RPS6KB2: variants seen among roughly 807,000 people sequenced by gnomAD.
The protein encoded by RPS6KB2 is ribosomal protein S6 kinase beta-2.
RPS6KB2 carries 51 observed loss-of-function variants against 58.2 expected under a neutral mutation model. The ratio of observed to expected loss-of-function variants is 0.88; its 90% CI spans 0.70 to 1.11. RPS6KB2 has a LOEUF of 1.11. Among genes scored for constraint, RPS6KB2 ranks in the 50% least tolerant of loss-of-function variants. RPS6KB2 has a pLI of 0.00. For synonymous variants in RPS6KB2, 293 were observed against 258.6 expected, an observed-to-expected ratio of 1.13 and a Z score of -1.28; for missense variants, 671 against 655.8, an observed-to-expected ratio of 1.02 and a Z score of -0.25.
Position 67,428,718 on chromosome 11 carries a change from C to G in RPS6KB2, c.78+95C>G, listed in dbSNP as rs1863922937. The G allele has an allele frequency of 2.4e-6, 3 of 1,225,490 alleles. No individual in the cohort carries two copies. The African/African-American group carries it at 4.6e-5, about 19-fold the overall frequency. The allele number at this position is 1,225,490 out of a possible 1,614,324, so 75.9% of individuals were successfully genotyped here. On this transcript the variant is annotated intron_variant, in intron 1 of 14. Transcript: ENST00000312629. ...GGCTCCGCACGCCCAGAGCGGGCTC[C>G]GACTCTTTGCAGACCCAGATCCTTC...
chr11:67,434,631 TCTC>T lies in RPS6KB2; in HGVS notation c.1208_1210del (p.Ser403del), dbSNP rs757063422. ...GTCCTGGACAGCATCAAGGAGGGCT[TCTC>T]CTTCCAGCCCAAGCTGCGCTCACCC... is the stretch of plus-strand genomic sequence containing the variant. On this transcript the variant is annotated inframe_deletion, in exon 14 of 15. Coordinates refer to ENST00000312629, the MANE Select transcript of RPS6KB2 (RefSeq NM_003952.3). The T allele has an allele frequency of 1.2e-5, 19 of 1,610,266 alleles. No individual in the cohort carries two copies. Among genetic ancestry groups the T allele is most frequent in the Non-Finnish European group, 1.5e-5 (18 of 1,179,312 alleles).
At chr11:67,432,269 T>C (rs1590973685) in intron 5 of RPS6KB2, 1 of 575,116 alleles carries the variant, frequency 1.7e-6, no homozygotes, top group Non-Finnish European at 3.3e-6. Context: ...CTGTCTTCTC[T>C]GCGAGATCTT....
intron 10 of RPS6KB2, among the ~76,000 whole-genome samples, chr11:67,433,774 C>A (rs1864135671): frequency 6.6e-6 from 1 of 152,160 alleles, no homozygotes; most frequent in Admixed American, 6.5e-5. Context: ...CACCAACGCG[C>A]CCTGGGGCAA....
At chr11:67,431,797 C>T (rs1864031160) in intron 5 of RPS6KB2, 1 of 402,274 alleles carries the variant, frequency 2.5e-6, no homozygotes, top group African/African-American at 2.0e-5. Flanking sequence ...GAGTCTCTTC[C>T]TACTCCCCTC....
At chr11:67,433,770 C>T (rs554918173) in intron 10 of RPS6KB2, among the ~76,000 whole-genome samples, 33 of 152,348 alleles carry the variant, frequency 2.2e-4, no homozygotes, top group African/African-American at 7.2e-4. Flanking sequence ...GCCTCACCAA[C>T]GCGCCCTGGG....
chr11:67,435,102 CT>C lies in RPS6KB2; in HGVS notation c.1383del (p.Leu462SerfsTer32), dbSNP rs2135131538. ...LPPPPPSTTA[P>X]LPIRPPSGTK... ...CCGCCGCCGCCCTCGACCACCGCCCCTCTCCCCATCCGTCCCCCCTCAGGGA... is the reference window on the plus strand; with the variant it reads ...CCGCCGCCGCCCTCGACCACCGCCCCCTCCCCATCCGTCCCCCCTCAGGGA... On this transcript the variant is annotated frameshift_variant, in exon 15 of 15. Coordinates refer to ENST00000312629, the MANE Select transcript of RPS6KB2 (RefSeq NM_003952.3). LOFTEE classifies it high-confidence loss of function. 2 of 1,608,404 alleles carry C rather than the reference CT, an allele frequency of 1.2e-6. No homozygotes were observed. Among genetic ancestry groups the C allele is most frequent in the Admixed American group, 1.7e-5 (1 of 59,836 alleles).
intron 1 of RPS6KB2, 102 bp downstream of exon 1, chr11:67,428,725 T>G: frequency 2.6e-6 from 3 of 1,139,856 alleles, no homozygotes; most frequent in African/African-American, 3.1e-5. Context: ...CTCCGACTCT[T>G]TGCAGACCCA....
intron 5 of RPS6KB2, chr11:67,431,781 A>T (rs998783077): frequency 2.3e-6 from 1 of 438,700 alleles, no homozygotes; most frequent in Non-Finnish European, 4.2e-6. Context: ...AGTCCAGAGG[A>T]TGGTTGAGTC....
In RPS6KB2 at chr11:67,433,145, C is replaced by A; in HGVS notation, c.727C>A (p.Arg243Ser). 6.2e-7 allele frequency: 1 copy of A among 1,603,654 alleles called. No individual in the cohort carries two copies. Among genetic ancestry groups the A allele is most frequent in the Non-Finnish European group, 8.5e-7 (1 of 1,176,292 alleles). ...IEYMAPEILV[R>S]SGHNRAVDWW... is the part of the protein sequence containing the mutation. Reference sequence around the variant, plus strand: ...CCCCAGGGCCCCTGAGATTCTGGTGCGCAGTGGCCACAACCGGGCTGTGGA... The same window carrying A: ...CCCCAGGGCCCCTGAGATTCTGGTGAGCAGTGGCCACAACCGGGCTGTGGA... The change falls in exon 9 of 15, where the codon CGC (arginine) becomes AGC (serine). Residue 243 changes from arginine (R) to serine (S), a missense_variant. By Grantham distance (110) the Arg-to-Ser change is moderately radical. Coordinates refer to ENST00000312629, the MANE Select transcript of RPS6KB2 (RefSeq NM_003952.3).
intron 4 of RPS6KB2, chr11:67,430,754 A>C (rs1863994027): frequency 6.6e-6 from 1 of 152,118 alleles, no homozygotes; most frequent in Non-Finnish European, 1.5e-5. Flanking sequence ...TTTGATTGTC[A>C]AGGCAAGAGG....
At position 67,434,861 on chromosome 11, in the gene RPS6KB2, G is replaced by A. The variant is rs978364472; in HGVS notation, c.1269-128G>A. 47 of 1,065,394 alleles carry A rather than the reference G, an allele frequency of 4.4e-5. No homozygotes were observed. The African/African-American group carries it at 7.3e-4, about 17-fold the overall frequency. 66.0% of individuals were successfully genotyped at this position (1,065,394 alleles called of 1,614,324 possible). A position where few individuals can be genotyped will look rare whatever the true frequency, so the allele number is the denominator to read the frequency against. ...ACACCCCTTGTGGCCAGGCTGCCTG[G>A]ATGGGAGTTTGTGGAGCCCGCGGCC... On this transcript the variant is annotated intron_variant, in intron 14 of 14. Coordinates refer to ENST00000312629, the MANE Select transcript of RPS6KB2 (RefSeq NM_003952.3).
At position 67,429,037 on chromosome 11, in the gene RPS6KB2, T is replaced by C. The variant is rs1863936631; in HGVS notation, c.119+15T>C. 6.2e-7 allele frequency: 1 copy of C among 1,610,414 alleles called. No homozygotes were observed. The highest frequency in any genetic ancestry group is 1.1e-5 in the South Asian group (1 of 90,962). On this transcript the variant is annotated intron_variant, in intron 2 of 14. Transcript: ENST00000312629. ...GCTGGCCTAGAGTGAGTGAGGGTCGTGTTGGGGGAGGGGGGAATGGAGTGG... is the reference window on the plus strand; with the variant it reads ...GCTGGCCTAGAGTGAGTGAGGGTCGCGTTGGGGGAGGGGGGAATGGAGTGG...
chr11:67,434,056 A>C lies in RPS6KB2; in HGVS notation c.968A>C (p.Gln323Pro). Residue 323 changes from glutamine to proline, a missense_variant and splice_region_variant, in exon 11 of 15, where the codon CAG becomes CCG. Coordinates refer to ENST00000312629, the MANE Select transcript of RPS6KB2 (RefSeq NM_003952.3). ...GGGPGDAADV[Q>P]RHPFFRHMNW... ...GGCCCAGGGGATGCTGCTGATGTGC[A>C]GGTGGGTTTGGGACCACCACCAGGG... 1.2e-6 allele frequency: 2 copies of C among 1,614,086 alleles called. No individual in the cohort carries two copies. Among genetic ancestry groups the C allele is most frequent in the Non-Finnish European group, 1.7e-6 (2 of 1,179,978 alleles).
In RPS6KB2 at chr11:67,433,404, T is replaced by C. The variant is rs1351277109; in HGVS notation, c.863T>C (p.Leu288Pro). The stretch of plus-strand genomic sequence containing the variant: ...AAGATCATCAGGGGCAAGCTGGCAC[T>C]GCCCCCCTACCTCACCCCAGATGCC... Reference protein sequence around the residue: ...MDKIIRGKLALPPYLTPDARD... With the variant: ...MDKIIRGKLAPPPYLTPDARD... The change falls in exon 10 of 15, where the codon CTG (leucine) becomes CCG (proline). Residue 288 changes from leucine (L) to proline (P), a missense_variant. Transcript: ENST00000312629. 1 of 1,613,854 alleles carries C rather than the reference T, an allele frequency of 6.2e-7. No homozygotes were observed. The highest frequency in any genetic ancestry group is 2.2e-5 in the East Asian group (1 of 44,902).
Position 67,431,514 on chromosome 11 carries a change from T to G in RPS6KB2, c.456T>G (p.Ser152Arg), listed in dbSNP as rs761490087. ...GKLYLILECL[S>R]GGELFTHLER... Reference sequence around the variant, plus strand: ...TCTACCTCATCCTTGAGTGCCTCAGTGGTATGAGTGCGGGCCCAGGCAGGG... The same window carrying G: ...TCTACCTCATCCTTGAGTGCCTCAGGGGTATGAGTGCGGGCCCAGGCAGGG... Residue 152 changes from serine to arginine, a missense_variant and splice_region_variant, in exon 5 of 15, where the codon AGT (serine) becomes AGG (arginine). Transcript: ENST00000312629. 6.2e-7 allele frequency: 1 copy of G among 1,611,906 alleles called. No individual in the cohort carries two copies. Among genetic ancestry groups the G allele is most frequent in the Non-Finnish European group, 8.5e-7 (1 of 1,179,500 alleles).
At position 67,435,266 on chromosome 11, in the gene RPS6KB2, C is replaced by T. The variant is rs1348821771; in HGVS notation, c.*97C>T. On this transcript the variant is annotated 3_prime_UTR_variant, in exon 15 of 15. Coordinates refer to ENST00000312629, the MANE Select transcript of RPS6KB2 (RefSeq NM_003952.3). ...CAGTTCCAGAGACCTGGGGGTGTGT[C>T]TGGGGGTGGGGTGTGAGTGCGTATG... The T allele has an allele frequency of 1.8e-6, 2 of 1,138,130 alleles. No homozygotes were observed. The highest frequency in any genetic ancestry group is 2.4e-6 in the Non-Finnish European group (2 of 826,446). The allele number at this position is 1,138,130 out of a possible 1,614,324, so 70.5% of individuals were successfully genotyped here.
chr11:67,431,553 C>CG lies in RPS6KB2; in HGVS notation c.457+45dup, dbSNP rs533944979. The stretch of plus-strand genomic sequence containing the variant: ...GCCCAGGCAGGGGTGCTGGGGGTCG[C>CG]GGGGGGGCAGCGAGCCAGCAAAGGA... On this transcript the variant is annotated intron_variant, in intron 5 of 14. Transcript: ENST00000312629. The CG allele has an allele frequency of 3.2e-4, 504 of 1,561,416 alleles. 1 individual carries two copies. The African/African-American group carries it at 4.5e-3, about 14-fold the overall frequency.
chr11:67,431,613 T>G (rs1447648384), intron 5 of RPS6KB2, 98 bp downstream of exon 5: 14 of 1,310,070 alleles, frequency 1.1e-5, no homozygotes, highest in Non-Finnish European at 1.4e-5. Flanking sequence ...GATGAGTCTG[T>G]GGGGGTTGGC....
chr11:67,429,730 G>A, intron 4 of RPS6KB2, 135 bp downstream of exon 4: 1 of 711,014 alleles, frequency 1.4e-6, no homozygotes, highest in East Asian at 2.7e-5. Context: ...ATTGTCTGTT[G>A]TGATGTGTAT....
Sources: allele counts gnomAD v4.1 joint callset (sites outside exome capture counted in the v4.1 genomes callset), GRCh38; gene constraint gnomAD v4.1.1; transcripts MANE v1.5; gene names NCBI Gene and HGNC (gene_info 2026-07-23, HGNC 2026-07-21).